The following CAD variants were observed in gnomAD, a reference collection of about 807,000 sequenced individuals.
The protein encoded by CAD is multifunctional protein CAD.
Under a neutral mutation model 237.2 loss-of-function variants are expected in CAD, and 81 were observed. That is an observed-to-expected ratio of 0.34 (90% CI 0.29 to 0.41). The LOEUF is 0.41. CAD is among the 10% of genes least tolerant of loss of function. The probability of loss-of-function intolerance (pLI) is 1.00; values close to 1 mark genes in which losing one functional copy is unlikely to be tolerated. For synonymous variants in CAD, 1,196 were observed against 1,162.8 expected, an observed-to-expected ratio of 1.03 and a Z score of -0.58; for missense variants, 2,181 against 2,951.7, an observed-to-expected ratio of 0.74 and a Z score of 6.05.
rs781033122 is a variant in CAD, at chr2:27,238,621, C to T, written c.5051C>T (p.Ala1684Val). 5 of 1,610,520 alleles carry T rather than the reference C, an allele frequency of 3.1e-6. No homozygotes were observed. The Admixed American group carries it at 8.4e-5, about 27-fold the overall frequency. The change falls in exon 31 of 44, where the codon GCC becomes GTC. Residue 1684 changes from alanine (A) to valine (V), a missense_variant. Coordinates refer to ENST00000264705, the MANE Select transcript of CAD (RefSeq NM_004341.5). ...WENMAVIDCF[A>V]SDHAPHTLEE... is the part of the protein sequence containing the mutation. ...AACATGGCTGTCATCGACTGCTTTG[C>T]CTCAGACCATGGTGAGAGAATCCAG...
At position 27,234,102 on chromosome 2, in the gene CAD, C is replaced by T. The variant is rs747127558; in HGVS notation, c.3494C>T (p.Ala1165Val). 2 of 1,614,056 alleles carry T rather than the reference C, an allele frequency of 1.2e-6. No individual in the cohort carries two copies. Among genetic ancestry groups the T allele is most frequent in the Non-Finnish European group, 8.5e-7 (1 of 1,179,986 alleles). Residue 1165 changes from alanine to valine, a missense_variant, in exon 22 of 44, where the codon GCG (alanine) becomes GTG (valine). Ala to Val is a moderately conservative substitution (Grantham distance 64). This residue lies in a region of CAD where 306 missense variants were observed against 607.9 expected (regional missense o/e 0.50). Coordinates refer to ENST00000264705, the MANE Select transcript of CAD (RefSeq NM_004341.5). ...AATGCAGGTGTGCATTCAGGTGATG[C>T]GACGCTGGTGACCCCCCCACAAGAT... is the stretch of plus-strand genomic sequence containing the variant. ...VENAGVHSGD[A>V]TLVTPPQDIT...
rs749357163 is a variant in CAD at position 27,237,865 on chromosome 2, G to A, written c.4711G>A (p.Val1571Met). The stretch of plus-strand genomic sequence containing the variant: ...CTTCTCTGAGCTGCGGCTGGACAGC[G>A]TGGTCCAGTGGATGGAGGTAGGGAG... Reference protein sequence around the residue: ...ETFSELRLDSVVQWMEHFETW... With the variant: ...ETFSELRLDSMVQWMEHFETW... Residue 1571 changes from valine (V) to methionine (M), a missense_variant, in exon 29 of 44, where the codon GTG becomes ATG. This residue lies in a region of CAD where 478 missense variants were observed against 515.0 expected (regional missense o/e 0.93). Coordinates refer to ENST00000264705, the MANE Select transcript of CAD (RefSeq NM_004341.5). The surrounding 1 kb of genome is among the most constrained non-coding windows in gnomAD (Gnocchi z 4.0). 61 of 1,611,964 alleles carry A rather than the reference G, an allele frequency of 3.8e-5. No individual in the cohort carries two copies. Among genetic ancestry groups the A allele is most frequent in the Middle Eastern group, 3.3e-4 (2 of 6,074 alleles).
At chr2:27,219,410 T>C (rs1675041314) in intron 2 of CAD, among the ~76,000 whole-genome samples, 1 of 151,914 alleles carries the variant, frequency 6.6e-6, no homozygotes, top group South Asian at 2.1e-4. Flanking sequence ...GGCATAATCA[T>C]GGCTCACTTG....
intron 31 of CAD, 120 bp downstream of exon 31, chr2:27,238,752 G>A: frequency 1.1e-6 from 1 of 935,866 alleles, no homozygotes; most frequent in East Asian, 2.5e-5. Context: ...GATCCGTATG[G>A]GACCCTAGCC....
chr2:27,232,297 G>A lies in CAD; in HGVS notation c.2645+73G>A. 1 of 1,594,000 alleles carries A rather than the reference G, an allele frequency of 6.3e-7. No individual in the cohort carries two copies. Among genetic ancestry groups the A allele is most frequent in the Non-Finnish European group, 8.5e-7 (1 of 1,170,842 alleles). ...CCTTTGTATCAGTGAGGGACCCTTG[G>A]GAGGGAGGAAGGAGAGTGTGGGAGA... is the stretch of plus-strand genomic sequence containing the variant. On this transcript the variant is annotated intron_variant, in intron 17 of 43. Coordinates refer to ENST00000264705, the MANE Select transcript of CAD (RefSeq NM_004341.5). This position sits in a 1 kb window ranked among gnomAD's most constrained non-coding sequence, Gnocchi z 4.1.
chr2:27,223,229 G>A (rs1209579149), intron 6 of CAD, among the ~76,000 whole-genome samples, 192 bp downstream of exon 6: 3 of 152,134 alleles, frequency 2.0e-5, no homozygotes, highest in South Asian at 2.1e-4. Flanking sequence ...TCAGGAGTTC[G>A]AGACCAGCCT....
chr2:27,241,712 G>T lies in CAD; in HGVS notation c.5884-199G>T, dbSNP rs1676326439. Among the ~76,000 whole-genome samples the T allele has an allele frequency of 6.6e-6, 1 of 152,194 alleles. No individual in the cohort carries two copies. Among genetic ancestry groups the T allele is most frequent in the South Asian group, 2.1e-4 (1 of 4,830 alleles). On this transcript the variant is annotated intron_variant, in intron 38 of 43. Coordinates refer to ENST00000264705, the MANE Select transcript of CAD (RefSeq NM_004341.5). This position sits in a 1 kb window ranked among gnomAD's most constrained non-coding sequence, Gnocchi z 4.6. Reference sequence around the variant, plus strand: ...TCGTTCAGACACTTAATGATGGGTGGTTTTCTGGAGGCAGAGCCTTTAGCT... The same window carrying T: ...TCGTTCAGACACTTAATGATGGGTGTTTTTCTGGAGGCAGAGCCTTTAGCT...
chr2:27,234,572 T>C lies in CAD; in HGVS notation c.3673T>C (p.Phe1225Leu). The C allele has an allele frequency of 6.2e-7, 1 of 1,614,050 alleles. No individual in the cohort carries two copies. Among genetic ancestry groups the C allele is most frequent in the South Asian group, 1.1e-5 (1 of 91,072 alleles). Reference sequence around the variant, plus strand: ...CGTACGTGTCTCTCGCTCCTTCCCCTTCGTTTCCAAGACACTGGGTGTGGA... The same window carrying C: ...CGTACGTGTCTCTCGCTCCTTCCCCCTCGTTTCCAAGACACTGGGTGTGGA... ...CNVRVSRSFPFVSKTLGVDLV... is the reference protein window; with the variant it reads ...CNVRVSRSFPLVSKTLGVDLV... Residue 1225 changes from phenylalanine (F) to leucine (L), a missense_variant, in exon 23 of 44, where the codon TTC (phenylalanine) becomes CTC (leucine). Physicochemically the swap from Phe to Leu is conservative, Grantham distance 22. Around this residue, in one of 12 missense-constraint regions of CAD, gnomAD observed 306 missense variants for 607.9 expected, o/e 0.50. Transcript: ENST00000264705.
rs1368964042 is a variant in CAD at position 27,243,481 on chromosome 2, G to A, written c.6641G>A (p.Arg2214His). The A allele has an allele frequency of 3.8e-6, 6 of 1,589,488 alleles. No individual in the cohort carries two copies. The highest frequency in any genetic ancestry group is 4.6e-5 in the East Asian group (2 of 43,274). Residue 2214 changes from arginine to histidine, a missense_variant, in exon 44 of 44, where the codon CGC becomes CAC. Arg to His is a conservative substitution (Grantham distance 29). Around this residue, in one of 12 missense-constraint regions of CAD, gnomAD observed 170 missense variants for 212.1 expected, o/e 0.80. Coordinates refer to ENST00000264705, the MANE Select transcript of CAD (RefSeq NM_004341.5). ...CAGGCTGAGAACGGCATGTACATCC[G>A]CATGGCTCTGTTAGCCACCGTGCTG... Reference protein sequence around the residue: ...FRQAENGMYIRMALLATVLGR... With the variant: ...FRQAENGMYIHMALLATVLGR...
chr2:27,243,708 G>A lies in CAD; in HGVS notation c.*190G>A, dbSNP rs759476984. 7 of 600,908 alleles carry A rather than the reference G, an allele frequency of 1.2e-5. No homozygotes were observed. The highest frequency in any genetic ancestry group is 2.0e-5 in the South Asian group (1 of 49,080). 37.2% of individuals were successfully genotyped at this position (600,908 alleles called of 1,614,324 possible). ...GGCCTCAGATGCTGGGGCCCAGTCT[G>A]CCCCATCTTCATTCCTGCACCTTAA... On this transcript the variant is annotated 3_prime_UTR_variant, in exon 44 of 44. Coordinates refer to ENST00000264705, the MANE Select transcript of CAD (RefSeq NM_004341.5).
intron 2 of CAD, 40 bp from the exon 3 acceptor site, chr2:27,221,178 A>G (rs1572421531): frequency 6.7e-7 from 1 of 1,490,706 alleles, no homozygotes; most frequent in Admixed American, 2.1e-5. Context: ...CAAAGAAATA[A>G]CTTGGCCTGA....
At chr2:27,228,389 A>G (rs1274754079) in intron 15 of CAD, among the ~76,000 whole-genome samples, 4 of 152,224 alleles carry the variant, frequency 2.6e-5, no homozygotes, top group Non-Finnish European at 4.4e-5. Flanking sequence ...TATTGCCTCT[A>G]CATATCTGGA....
chr2:27,224,571 C>T (rs1675338115), intron 9 of CAD, 81 bp downstream of exon 9: 1 of 1,567,170 alleles, frequency 6.4e-7, no homozygotes, highest in South Asian at 1.2e-5. Context: ...GCTAAGGTTG[C>T]AGGGAGGAAA....
At position 27,241,299 on chromosome 2, in the gene CAD, A is replaced by G. The variant is rs1676303015; in HGVS notation, c.5809-23A>G. On this transcript the variant is annotated intron_variant, in intron 37 of 43. Coordinates refer to ENST00000264705, the MANE Select transcript of CAD (RefSeq NM_004341.5). This position sits in a 1 kb window ranked among gnomAD's most constrained non-coding sequence, Gnocchi z 4.6. ...GGAAAGCTGGGGCTAGGACCTTTCT[A>G]GCTAACTTGGGCTCTTTCTTAGATG... 4.3e-6 allele frequency: 7 copies of G among 1,614,012 alleles called. No individual in the cohort carries two copies. The highest frequency in any genetic ancestry group is 5.9e-6 in the Non-Finnish European group (7 of 1,179,972).
Position 27,232,939 on chromosome 2 carries a change from C to T in CAD, c.2893-103C>T. 4.6e-6 allele frequency: 4 copies of T among 862,392 alleles called. No homozygotes were observed. The South Asian group carries it at 5.7e-5, about 12-fold the overall frequency. 53.4% of individuals were successfully genotyped at this position (862,392 alleles called of 1,614,324 possible). ...TACAGCTCTTTCAGAGGAAGCTGTG[C>T]TGGCAGTCTCTGAAGTAGGGGCTTT... On this transcript the variant is annotated intron_variant, in intron 18 of 43. Coordinates refer to ENST00000264705, the MANE Select transcript of CAD (RefSeq NM_004341.5). The surrounding 1 kb of genome is among the most constrained non-coding windows in gnomAD (Gnocchi z 4.1).
rs1676319753 is a variant in CAD, at chr2:27,241,572, G to A, written c.5883+176G>A. Among the ~76,000 whole-genome samples the A allele has an allele frequency of 6.6e-6, 1 of 152,188 alleles. No individual in the cohort carries two copies. The highest frequency in any genetic ancestry group is 2.1e-4 in the South Asian group (1 of 4,832). ...CCCACGTTTTCCCTCCCCAAAGCAG[G>A]ATTTAGCTGGCTGGGGAGGCCCTGA... On this transcript the variant is annotated intron_variant, in intron 38 of 43. Coordinates refer to ENST00000264705, the MANE Select transcript of CAD (RefSeq NM_004341.5). This position sits in a 1 kb window ranked among gnomAD's most constrained non-coding sequence, Gnocchi z 4.6.
intron 2 of CAD, among the ~76,000 whole-genome samples, chr2:27,219,676 G>A (rs747147017): frequency 1.3e-5 from 2 of 151,886 alleles, no homozygotes; most frequent in Non-Finnish European, 2.9e-5. Context: ...TGCAACCTCC[G>A]CCTCCCGGGT....
Position 27,235,237 on chromosome 2 carries a change from C to A in CAD, c.3787-8C>A, listed in dbSNP as rs751812290. On this transcript the variant is annotated splice_region_variant and splice_polypyrimidine_tract_variant and intron_variant, in intron 23 of 43. Transcript: ENST00000264705. The surrounding 1 kb of genome is among the most constrained non-coding windows in gnomAD (Gnocchi z 5.2). ...CTTGGCCCTCTCTCTTCCCTCCCGC[C>A]CCTTTAGGTGCCTCAGTTCTCCTTC... The A allele has an allele frequency of 2.5e-6, 4 of 1,598,670 alleles. No individual in the cohort carries two copies. Among genetic ancestry groups the A allele is most frequent in the Non-Finnish European group, 3.4e-6 (4 of 1,171,698 alleles).
Position 27,223,555 on chromosome 2 carries a change from A to G in CAD, c.810-8A>G. ...AGGGCCTGTGACTCGGCATGCTTCTACCTCCAGATATGGGAACCGAGGCCA... is the reference window on the plus strand; with the variant it reads ...AGGGCCTGTGACTCGGCATGCTTCTGCCTCCAGATATGGGAACCGAGGCCA... On this transcript the variant is annotated splice_region_variant and splice_polypyrimidine_tract_variant and intron_variant, in intron 6 of 43. Transcript: ENST00000264705. The G allele has an allele frequency of 5.0e-6, 8 of 1,611,790 alleles. No individual in the cohort carries two copies. Among genetic ancestry groups the G allele is most frequent in the Non-Finnish European group, 6.8e-6 (8 of 1,179,630 alleles).
Sources: allele counts gnomAD v4.1 joint callset (sites outside exome capture counted in the v4.1 genomes callset), GRCh38; gene constraint gnomAD v4.1.1; regional missense constraint gnomAD v4.1.1; non-coding constraint Gnocchi (gnomAD v3.1); transcripts MANE v1.5; gene names NCBI Gene and HGNC (gene_info 2026-07-23, HGNC 2026-07-21).